The following NDUFS4 variants were observed in gnomAD, a reference collection of about 807,000 sequenced individuals.
NDUFS4 encodes NADH:ubiquinone oxidoreductase subunit S4.
A neutral mutation model predicts 24.3 loss-of-function variants in NDUFS4; 28 were observed. The observed-to-expected ratio is 1.15, with a 90% CI of 0.85 to 1.58. NDUFS4 has a LOEUF of 1.58. Among genes scored for constraint, NDUFS4 ranks in the 40% most tolerant of loss-of-function variants. The pLI, the probability that NDUFS4 is intolerant of heterozygous loss-of-function variation, is 0.00. For missense variants in NDUFS4, 223 were observed against 207.9 expected, an observed-to-expected ratio of 1.07 and a Z score of -0.45; for synonymous variants, 93 against 69.7, an observed-to-expected ratio of 1.34 and a Z score of -1.67.
At chr5:53,646,004 C>T (rs891733729) in intron 2 of NDUFS4, among the ~76,000 whole-genome samples, 1 of 152,086 alleles carries the variant, frequency 6.6e-6, no homozygotes, top group Non-Finnish European at 1.5e-5. Flanking sequence ...ATTTTTTTTA[C>T]GATCCTTTTC....
chr5:53,633,629 A>G (rs553677432), intron 2 of NDUFS4, among the ~76,000 whole-genome samples: 40 of 152,268 alleles, frequency 2.6e-4, no homozygotes, highest in African/African-American at 9.6e-4. Flanking sequence ...TGTGTCACAT[A>G]AAACTTATAT....
At chr5:53,619,656 C>A (rs12514303) in intron 2 of NDUFS4, among the ~76,000 whole-genome samples, 64,369 of 151,666 alleles carry the variant, frequency 0.42, 14,506 homozygotes, top group Admixed American at 0.51. Flanking sequence ...ACCTTAATCT[C>A]AGTCTTGGTG....
chr5:53,600,116 C>T (rs528178529), intron 1 of NDUFS4, among the ~76,000 whole-genome samples: 297 of 151,548 alleles, frequency 2.0e-3, no homozygotes, highest in Non-Finnish European at 3.3e-3. Flanking sequence ...TCTCCTATCT[C>T]AGCCTCCCGA....
chr5:53,673,558 A>C (rs549449533), intron 4 of NDUFS4, among the ~76,000 whole-genome samples: 1 of 152,256 alleles, frequency 6.6e-6, no homozygotes, highest in Non-Finnish European at 1.5e-5. Context: ...ATGGTAAAGA[A>C]AGAACCTTAG....
chr5:53,667,613 C>T (rs1401601170), intron 4 of NDUFS4, among the ~76,000 whole-genome samples: 1 of 152,078 alleles, frequency 6.6e-6, no homozygotes, highest in African/African-American at 2.4e-5. Context: ...TCCTCCCTAT[C>T]CCCACAACTA....
At chr5:53,598,292 C>T (rs1212039652) in intron 1 of NDUFS4, among the ~76,000 whole-genome samples, 2 of 152,168 alleles carry the variant, frequency 1.3e-5, no homozygotes, top group Non-Finnish European at 2.9e-5. Context: ...CACACAAAAA[C>T]CTGCACATGA....
At chr5:53,676,838 A>T (rs1740487126) in intron 4 of NDUFS4, among the ~76,000 whole-genome samples, 1 of 150,470 alleles carries the variant, frequency 6.6e-6, no homozygotes, top group Non-Finnish European at 1.5e-5. Context: ...ACGTGAATTC[A>T]TGAAAGATTT....
intron 1 of NDUFS4, among the ~76,000 whole-genome samples, chr5:53,586,337 A>G (rs1368694483): frequency 2.6e-5 from 4 of 151,780 alleles, no homozygotes; most frequent in Non-Finnish European, 5.9e-5. Flanking sequence ...CTCAAAAAAA[A>G]AAAAAAAACA....
intron 3 of NDUFS4, 52 bp from the exon 4 acceptor site, chr5:53,658,499 T>C (rs1352911723): frequency 8.2e-6 from 10 of 1,223,808 alleles, no homozygotes; most frequent in Non-Finnish European, 1.1e-5. Context: ...TTGATTTTGT[T>C]TCTCAGCTAA....
At chr5:53,566,974 G>A (rs1327350435) in intron 1 of NDUFS4, among the ~76,000 whole-genome samples, 3 of 150,978 alleles carry the variant, frequency 2.0e-5, no homozygotes, top group Admixed American at 1.3e-4. Flanking sequence ...TCAGCCTCCC[G>A]AGTAGCTGGG....
chr5:53,641,677 T>C (rs781582132), intron 2 of NDUFS4, among the ~76,000 whole-genome samples: 2 of 152,200 alleles, frequency 1.3e-5, no homozygotes, highest in Non-Finnish European at 2.9e-5. Flanking sequence ...TAAATAGATA[T>C]GATAATGCTA....
chr5:53,612,137 G>C (rs1750715970), intron 2 of NDUFS4, among the ~76,000 whole-genome samples: 1 of 151,990 alleles, frequency 6.6e-6, no homozygotes, highest in Admixed American at 6.6e-5. Flanking sequence ...TAATAGTTTA[G>C]ACATTACATA....
chr5:53,682,935 T>C (rs1021200584), intron 4 of NDUFS4, among the ~76,000 whole-genome samples, 183 bp from the exon 5 acceptor site: 1 of 65,252 alleles, frequency 1.5e-5, no homozygotes, highest in Non-Finnish European at 3.1e-5. Context: ...TTTGGACCCT[T>C]TTCTCACAGA....
intron 2 of NDUFS4, among the ~76,000 whole-genome samples, chr5:53,606,185 AAAAAC>A (rs910732151): frequency 2.0e-5 from 3 of 152,242 alleles, no homozygotes; most frequent in East Asian, 1.9e-4. Flanking sequence ...CTCTGTCTCA[AAAAAC>A]AAAACAAAAC....
intron 2 of NDUFS4, among the ~76,000 whole-genome samples, chr5:53,645,043 A>G (rs1403415314): frequency 6.6e-6 from 1 of 152,132 alleles, no homozygotes; most frequent in Non-Finnish European, 1.5e-5. Context: ...ACAAATAAAC[A>G]TTAGTCTTCA....
Position 53,560,691 on chromosome 5 carries a change from T to C in NDUFS4, c.29T>C (p.Leu10Pro). The change falls in exon 1 of 5, where the codon CTG becomes CCG. Residue 10 changes from leucine (L) to proline (P), a missense_variant. Leu to Pro is a moderately conservative substitution (Grantham distance 98). Transcript: ENST00000296684. Reference protein sequence around the residue: MAAVSMSVVLRQTLWRRRAV... With the variant: MAAVSMSVVPRQTLWRRRAV... ...GCGGCGGTGTCAATGTCAGTGGTAC[T>C]GAGGCAGACGTTGTGGCGGAGAAGG... The C allele has an allele frequency of 6.2e-7, 1 of 1,614,280 alleles. No individual in the cohort carries two copies.
chr5:53,672,603 AG>A (rs955694155), intron 4 of NDUFS4, among the ~76,000 whole-genome samples: 59 of 79,598 alleles, frequency 7.4e-4, no homozygotes, highest in African/African-American at 3.3e-3. Context: ...ATTGAAACAA[AG>A]GTTTTTTTTT....
At chr5:53,572,278 C>T (rs528196395) in intron 1 of NDUFS4, among the ~76,000 whole-genome samples, 2 of 152,166 alleles carry the variant, frequency 1.3e-5, no homozygotes, top group South Asian at 4.2e-4. Context: ...GGGAAGACAC[C>T]TCTCACATGA....
intron 1 of NDUFS4, among the ~76,000 whole-genome samples, chr5:53,589,322 T>C (rs1255924116): frequency 6.6e-6 from 1 of 152,182 alleles, no homozygotes; most frequent in African/African-American, 2.4e-5. Context: ...CCAAAATACC[T>C]GTAGCTTAAA....
Sources: gnomAD v4.1 joint callset for allele counts (sites outside exome capture counted in the v4.1 genomes callset) on GRCh38, gnomAD v4.1.1 for gene constraint, MANE v1.5 for transcripts, NCBI Gene and HGNC (gene_info 2026-07-23, HGNC 2026-07-21) for gene names.